Variants in SCARB2 observed in about 807,000 individuals in gnomAD.
SCARB2 encodes the protein scavenger receptor class B member 2.
Under a neutral mutation model 58.6 loss-of-function variants are expected in SCARB2, and 29 were observed. That is an observed-to-expected ratio of 0.49 (90% CI 0.37 to 0.67). SCARB2 has a LOEUF of 0.67. Among genes scored for constraint, SCARB2 ranks in the 30% least tolerant of loss-of-function variants. The probability of loss-of-function intolerance (pLI) is 0.00; values close to 1 mark genes in which losing one functional copy is unlikely to be tolerated. For synonymous variants in SCARB2, 195 were observed against 210.1 expected, an observed-to-expected ratio of 0.93 and a Z score of 0.62; for missense variants, 488 against 578.5, an observed-to-expected ratio of 0.84 and a Z score of 1.60.
chr4:76,224,183 A>G (rs1033997595), intron 1 of SCARB2, among the ~76,000 whole-genome samples: 1 of 152,244 alleles, frequency 6.6e-6, no homozygotes, highest in Non-Finnish European at 1.5e-5. Flanking sequence ...AGTCCATTAC[A>G]TACATGTTTT....
At chr4:76,186,272 C>T (rs948969602) in intron 2 of SCARB2, among the ~76,000 whole-genome samples, 1 of 151,970 alleles carries the variant, frequency 6.6e-6, no homozygotes, top group African/African-American at 2.4e-5. Flanking sequence ...ACAGAGGCAG[C>T]GGTGGGGCGA....
chr4:76,183,723 G>T (rs1732431635), intron 2 of SCARB2, among the ~76,000 whole-genome samples: 1 of 152,118 alleles, frequency 6.6e-6, no homozygotes, highest in African/African-American at 2.4e-5. Context: ...TCCCCTCCTG[G>T]GAGGTTGGGG....
chr4:76,202,894 A>C (rs1182917799), intron 1 of SCARB2, among the ~76,000 whole-genome samples: 2 of 152,232 alleles, frequency 1.3e-5, no homozygotes, highest in Non-Finnish European at 1.5e-5. Context: ...AAATATACTA[A>C]ATCAGTTTAT....
chr4:76,214,683 A>G (rs1160830721), upstream of SCARB2, among the ~76,000 whole-genome samples: 1 of 152,238 alleles, frequency 6.6e-6, no homozygotes, highest in African/African-American at 2.4e-5. Flanking sequence ...GCACACAGCC[A>G]GGACTCAAGA....
At chr4:76,165,815 T>A (rs184135840) in intron 10 of SCARB2, 2 of 169,904 alleles carry the variant, frequency 1.2e-5, no homozygotes, top group African/African-American at 4.8e-5. Context: ...TGAGGAGATA[T>A]AACTACAGTA....
chr4:76,198,449 C>T (rs1732758872), intron 1 of SCARB2, among the ~76,000 whole-genome samples: 1 of 152,222 alleles, frequency 6.6e-6, no homozygotes, highest in African/African-American at 2.4e-5. Flanking sequence ...AACAGTGTGA[C>T]TTGAACTTGT....
intron 2 of SCARB2, among the ~76,000 whole-genome samples, chr4:76,186,923 TAGA>T: frequency 6.6e-6 from 1 of 152,220 alleles, no homozygotes; most frequent in African/African-American, 2.4e-5. Context: ...GAGGCAAGTT[TAGA>T]AAAAAGGAGA....
intron 4 of SCARB2, chr4:76,179,306 G>GGTCTCCCA: frequency 1.8e-6 from 1 of 554,256 alleles, no homozygotes; most frequent in South Asian, 2.0e-5. Flanking sequence ...CACCCACCTC[G>GGTCTCCCA]GTCTCCCAAA....
chr4:76,198,420 G>A (rs931254443), intron 1 of SCARB2, among the ~76,000 whole-genome samples: 2 of 152,218 alleles, frequency 1.3e-5, no homozygotes, highest in African/African-American at 4.8e-5. Flanking sequence ...GGGTAAACCT[G>A]GCTGTTCTGA....
intron 10 of SCARB2, chr4:76,165,750 G>GA (rs778214992): frequency 6.8e-6 from 1 of 147,246 alleles, no homozygotes; most frequent in Non-Finnish European, 1.5e-5. Flanking sequence ...ATTTATTGAA[G>GA]AAAAAAACCT....
At position 76,179,666 on chromosome 4, in the gene SCARB2, T is replaced by C. The variant is rs772434203; in HGVS notation, c.463A>G (p.Ile155Val). ...TAGGCTTTCAACATGGCCTCGATGA[T>C]CTCCCTGAGGAAGTGCACCTGGGAC... ...EWSQVHFLRE[I>V]IEAMLKAYQQ... The change falls in exon 4 of 12, where the codon ATC becomes GTC. Residue 155 changes from isoleucine (I) to valine (V), a missense_variant. Transcript: ENST00000264896. The C allele has an allele frequency of 2.8e-5, 45 of 1,614,008 alleles. No individual in the cohort carries two copies. The highest frequency in any genetic ancestry group is 3.6e-5 in the Non-Finnish European group (43 of 1,180,030).
intron 3 of SCARB2, 65 bp from the exon 4 acceptor site, chr4:76,179,770 T>C (rs935840934): frequency 6.9e-5 from 82 of 1,192,254 alleles, no homozygotes; most frequent in Non-Finnish European, 8.7e-5. Flanking sequence ...CACTCTCTCC[T>C]ACTACCCCAT....
intron 2 of SCARB2, among the ~76,000 whole-genome samples, chr4:76,182,448 T>C (rs1732404019): frequency 6.6e-6 from 1 of 152,232 alleles, no homozygotes; most frequent in Non-Finnish European, 1.5e-5. Flanking sequence ...TTTTACCTGC[T>C]TCCTTCTACT....
intron 1 of SCARB2, among the ~76,000 whole-genome samples, chr4:76,232,316 C>G (rs1733506468): frequency 6.6e-6 from 1 of 152,190 alleles, no homozygotes; most frequent in Non-Finnish European, 1.5e-5. Flanking sequence ...TTCATGAGTC[C>G]TGTACATTTT....
At chr4:76,166,223 C>T (rs751849468) in intron 10 of SCARB2, 27 bp downstream of exon 10, 7 of 1,612,226 alleles carry the variant, frequency 4.3e-6, no homozygotes, top group East Asian at 4.5e-5. Flanking sequence ...TGAAAACACC[C>T]GTGGCTCCCT....
rs1381370040 is a variant in SCARB2, at chr4:76,165,306, G to A, written c.1239+944C>T. On this transcript the variant is annotated intron_variant, in intron 10 of 11. Coordinates refer to ENST00000264896, the MANE Select transcript of SCARB2 (RefSeq NM_005506.4). ...AACAAACCCTTAAAAGTTTGTAAAT[G>A]TGAATACCAATATAATGCTAAATGG... The A allele has an allele frequency of 2.0e-5, 3 of 152,146 alleles. No individual in the cohort carries two copies. The East Asian group carries it at 5.8e-4, about 29-fold the overall frequency. 9.4% of individuals were successfully genotyped at this position (152,146 alleles called of 1,614,324 possible).
upstream of SCARB2, among the ~76,000 whole-genome samples, chr4:76,215,848 C>T (rs1433063089): frequency 6.6e-6 from 1 of 152,138 alleles, no homozygotes; most frequent in African/African-American, 2.4e-5. Flanking sequence ...CATTACAGAG[C>T]AGAGGTGAGT....
At position 76,213,762 on chromosome 4, in the gene SCARB2, G is replaced by A. The variant is rs1733132126; in HGVS notation, c.-219C>T. The A allele has an allele frequency of 6.7e-6, 3 of 447,616 alleles. No individual in the cohort carries two copies. Among genetic ancestry groups the A allele is most frequent in the Non-Finnish European group, 1.2e-5 (3 of 254,914 alleles). The allele number at this position is 447,616 out of a possible 1,614,324, so 27.7% of individuals were successfully genotyped here. A position where few individuals can be genotyped will look rare whatever the true frequency, so the allele number is the denominator to read the frequency against. Reference sequence around the variant, plus strand: ...ATGGGGCCGCGGAGGGACGGGCCCGGACTCGGTTTCGGTTTCCTTCGCCGG... The same window carrying A: ...ATGGGGCCGCGGAGGGACGGGCCCGAACTCGGTTTCGGTTTCCTTCGCCGG... On this transcript the variant is annotated 5_prime_UTR_variant, in exon 1 of 12. Coordinates refer to ENST00000264896, the MANE Select transcript of SCARB2 (RefSeq NM_005506.4).
chr4:76,227,318 A>T (rs551848467), intron 1 of SCARB2, among the ~76,000 whole-genome samples: 42 of 152,272 alleles, frequency 2.8e-4, no homozygotes, highest in Non-Finnish European at 4.4e-4. Flanking sequence ...TCAGGAGTAG[A>T]TTATTTAATG....
Sources: allele counts gnomAD v4.1 joint callset (sites outside exome capture counted in the v4.1 genomes callset), GRCh38; gene constraint gnomAD v4.1.1; transcripts MANE v1.5; gene names NCBI Gene and HGNC (gene_info 2026-07-23, HGNC 2026-07-21).